TCF3: variants seen among roughly 807,000 people sequenced by gnomAD.
TCF3 encodes transcription factor 3.
A neutral mutation model predicts 72.3 loss-of-function variants in TCF3; 54 were observed. That is an observed-to-expected ratio of 0.75 (90% CI 0.60 to 0.94). The LOEUF (loss-of-function observed/expected upper bound fraction) is 0.94, where lower values mean the gene tolerates loss of function less well. Among genes scored for constraint, TCF3 ranks in the 40% least tolerant of loss-of-function variants. TCF3 has a pLI of 0.00. For missense variants in TCF3, 1,078 were observed against 934.4 expected (o/e 1.15, Z -2.00); for synonymous variants, 525 against 412.6 (o/e 1.27, Z -3.30).
intron 2 of TCF3, 95 bp from the exon 3 acceptor site, chr19:1,646,522 C>T: frequency 2.6e-6 from 3 of 1,169,060 alleles, no homozygotes; most frequent in Middle Eastern, 2.2e-4. Flanking sequence ...GAGCTGGGGA[C>T]ACCCGGGAAC....
At chr19:1,627,480 G>A (rs1357858085) in intron 5 of TCF3, 54 bp from the exon 6 acceptor site, 18 of 1,562,302 alleles carry the variant, frequency 1.2e-5, no homozygotes, top group Non-Finnish European at 1.5e-5. Flanking sequence ...ACATCCTGAG[G>A]GCCCCCGAGT....
At chr19:1,612,792 G>T (rs569598203) in intron 18 of TCF3, among the ~76,000 whole-genome samples, 39 of 151,876 alleles carry the variant, frequency 2.6e-4, no homozygotes, top group African/African-American at 9.2e-4. Context: ...GGCTGGTGTT[G>T]GTGTGGGCAG....
Position 1,611,593 on chromosome 19 carries a change from T to C in TCF3, c.*114A>G, listed in dbSNP as rs1268495388. 7.1e-7 allele frequency: 1 copy of C among 1,411,716 alleles called. No individual in the cohort carries two copies. Among genetic ancestry groups the C allele is most frequent in the African/African-American group, 1.4e-5 (1 of 69,460 alleles). 87.4% of individuals were successfully genotyped at this position (1,411,716 alleles called of 1,614,324 possible). ...TGTCAGGTTGGTGTTGGCTCGATGC[T>C]GACAACAGGTGTGTGAGGTGTGGAT... On this transcript the variant is annotated 3_prime_UTR_variant, in exon 19 of 19. Coordinates refer to ENST00000262965, the MANE Select transcript of TCF3 (RefSeq NM_003200.5).
chr19:1,645,361 C>G (rs1481633759), intron 3 of TCF3, among the ~76,000 whole-genome samples: 1 of 152,106 alleles, frequency 6.6e-6, no homozygotes, highest in Non-Finnish European at 1.5e-5. Flanking sequence ...ACCTCCCCCA[C>G]CAAATCCTGT....
At chr19:1,649,022 CTG>C (rs1407965883) in intron 2 of TCF3, among the ~76,000 whole-genome samples, 1 of 152,240 alleles carries the variant, frequency 6.6e-6, no homozygotes, top group East Asian at 1.9e-4. Context: ...CCTGCCTGAA[CTG>C]TGTGACTTCT....
intron 16 of TCF3, among the ~76,000 whole-genome samples, chr19:1,618,087 C>T (rs72989729): frequency 0.022 from 3,379 of 152,174 alleles, 58 homozygotes; most frequent in Non-Finnish European, 0.035. Context: ...GTGTCTGAGA[C>T]ACTCAACAAT....
rs111671568 is a variant in TCF3, at chr19:1,610,533, G to C, written c.*1174C>G. On this transcript the variant is annotated 3_prime_UTR_variant, in exon 19 of 19. Coordinates refer to ENST00000262965, the MANE Select transcript of TCF3 (RefSeq NM_003200.5). Reference sequence around the variant, plus strand: ...AAAGGAGTGAAGGACAGGGTGTCCAGGAGGTCCCCAGCACCGGGCTCCAGG... The same window carrying C: ...AAAGGAGTGAAGGACAGGGTGTCCACGAGGTCCCCAGCACCGGGCTCCAGG... 7.4e-4 allele frequency: 172 copies of C among 231,896 alleles called. No individual in the cohort carries two copies. The highest frequency in any genetic ancestry group is 3.5e-3 in the African/African-American group (157 of 45,328). The allele number at this position is 231,896 out of a possible 1,614,324, so 14.4% of individuals were successfully genotyped here.
chr19:1,623,821 C>T (rs757445524), intron 8 of TCF3, 130 bp downstream of exon 8: 11 of 926,404 alleles, frequency 1.2e-5, no homozygotes, highest in Non-Finnish European at 1.8e-5. Flanking sequence ...CAGATCTTGG[C>T]TCAGAAATCA....
intron 2 of TCF3, among the ~76,000 whole-genome samples, chr19:1,647,517 C>T (rs949376751): frequency 5.3e-5 from 8 of 152,180 alleles, no homozygotes; most frequent in African/African-American, 9.7e-5. Context: ...AAACGGAGGC[C>T]GCATTCTCAC....
rs561436933 is a variant in TCF3 at position 1,626,618 on chromosome 19, G to A, written c.366+741C>T. Among the ~76,000 whole-genome samples the A allele has an allele frequency of 2.0e-3, 306 of 152,272 alleles. 1 individual carries two copies. Among genetic ancestry groups the A allele is most frequent in the Non-Finnish European group, 3.5e-3 (235 of 67,990 alleles). ...CCGGGAGCGCCAGAGAGCAGGGCCC[G>A]AGCCCTAGTTCTGCTTCTCGGATGG... is the stretch of plus-strand genomic sequence containing the variant. On this transcript the variant is annotated intron_variant, in intron 6 of 18. Transcript: ENST00000262965.
rs535812348 is a variant in TCF3 at position 1,650,461 on chromosome 19, A to G, written c.-39-174T>C. ...GGAGCCCTGGGAGCAGGCGCAGGGA[A>G]GCTGGAATTCCAGAGTCTAGGTCCC... On this transcript the variant is annotated intron_variant, in intron 1 of 18. Coordinates refer to ENST00000262965, the MANE Select transcript of TCF3 (RefSeq NM_003200.5). 1.7e-5 allele frequency: 10 copies of G among 576,096 alleles called. No homozygotes were observed. In the East Asian group the frequency reaches 2.9e-4, roughly 17 times the overall value. The allele number at this position is 576,096 out of a possible 1,614,324, so 35.7% of individuals were successfully genotyped here. A position where few individuals can be genotyped will look rare whatever the true frequency, so the allele number is the denominator to read the frequency against.
At chr19:1,612,685 T>G (rs1214726278) in intron 18 of TCF3, among the ~76,000 whole-genome samples, 1 of 141,472 alleles carries the variant, frequency 7.1e-6, no homozygotes, top group East Asian at 2.1e-4. Context: ...ACGGCTGGTG[T>G]TGGTGTGGGC....
At chr19:1,651,952 G>A (rs1342386894) in intron 1 of TCF3, among the ~76,000 whole-genome samples, 6 of 150,956 alleles carry the variant, frequency 4.0e-5, no homozygotes, top group African/African-American at 1.2e-4. Flanking sequence ...GCGCCCCGGG[G>A]TCCCCGTGCG....
chr19:1,627,108 G>A (rs950478624), intron 6 of TCF3, among the ~76,000 whole-genome samples: 3 of 152,164 alleles, frequency 2.0e-5, no homozygotes, highest in African/African-American at 4.8e-5. Flanking sequence ...CCACTCAGAG[G>A]AGAGGGCAAC....
Position 1,622,343 on chromosome 19 carries a change from T to C in TCF3, c.622A>G (p.Ser208Gly). 1 of 1,508,716 alleles carries C rather than the reference T, an allele frequency of 6.6e-7. No homozygotes were observed. 93.5% of individuals were successfully genotyped at this position (1,508,716 alleles called of 1,614,324 possible). ...TAYPSAKTPSSTYPAPFYVAD... is the reference protein window; with the variant it reads ...TAYPSAKTPSGTYPAPFYVAD... ...ACGTAGAAGGGGGCGGGATAGGTGCTGCTGGGGGTCTTGGCGGACGGGTAG... is the reference window on the plus strand; with the variant it reads ...ACGTAGAAGGGGGCGGGATAGGTGCCGCTGGGGGTCTTGGCGGACGGGTAG... The change falls in exon 9 of 19, where the codon AGC becomes GGC. Residue 208 changes from serine (S) to glycine (G), a missense_variant. Physicochemically the swap from Ser to Gly is moderately conservative, Grantham distance 56 (BLOSUM62 0). Transcript: ENST00000262965.
intron 3 of TCF3, among the ~76,000 whole-genome samples, chr19:1,637,571 C>T (rs1171889975): frequency 1.3e-5 from 2 of 152,190 alleles, no homozygotes; most frequent in African/African-American, 4.8e-5. Context: ...ACCAGTGACA[C>T]CTGAGTGTGG....
At chr19:1,635,682 A>G (rs1216753387) in intron 3 of TCF3, among the ~76,000 whole-genome samples, 1 of 152,190 alleles carries the variant, frequency 6.6e-6, no homozygotes, top group African/African-American at 2.4e-5. Context: ...CTGCTGTCCA[A>G]TACGGGGACC....
At position 1,652,426 on chromosome 19, in the gene TCF3, C is replaced by CG. The variant is rs2067275107; in HGVS notation, c.-167dup. 1 of 142,536 alleles carries CG rather than the reference C, an allele frequency of 7.0e-6. No individual in the cohort carries two copies. The highest frequency in any genetic ancestry group is 1.6e-5 in the Non-Finnish European group (1 of 64,274). 8.8% of individuals were successfully genotyped at this position (142,536 alleles called of 1,614,324 possible). A position where few individuals can be genotyped will look rare whatever the true frequency, so the allele number is the denominator to read the frequency against. On this transcript the variant is annotated 5_prime_UTR_variant, in exon 1 of 19. Transcript: ENST00000262965. ...GGTCGCGCGTGGGCGGCGGCGGCGG[C>CG]GCGCGTGGCCCGGGCCCCTCCCACC... is the stretch of plus-strand genomic sequence containing the variant.
chr19:1,625,784 C>T (rs1012274615), intron 6 of TCF3, 76 bp from the exon 7 acceptor site: 75 of 1,416,740 alleles, frequency 5.3e-5, no homozygotes, highest in Non-Finnish European at 6.5e-5. Context: ...GAAAAAACTG[C>T]AAAGGCCGAA....
Sources: allele counts gnomAD v4.1 joint callset (sites outside exome capture counted in the v4.1 genomes callset), GRCh38; gene constraint gnomAD v4.1.1; transcripts MANE v1.5; gene names NCBI Gene and HGNC (gene_info 2026-07-23, HGNC 2026-07-21).